The following PTPN12 variants were observed in gnomAD, a reference collection of about 807,000 sequenced individuals.
The protein encoded by PTPN12 is protein tyrosine phosphatase non-receptor type 12.
A neutral mutation model predicts 97.6 loss-of-function variants in PTPN12; 29 were observed. That is an observed-to-expected ratio of 0.30 (90% confidence interval 0.22 to 0.41). The LOEUF (loss-of-function observed/expected upper bound fraction) is 0.41. Among genes scored for constraint, PTPN12 ranks in the 10% least tolerant of loss-of-function variants. The probability of loss-of-function intolerance (pLI) is 1.00; values close to 1 mark genes in which losing one functional copy is unlikely to be tolerated. For synonymous variants in PTPN12, 327 were observed against 300.4 expected (o/e 1.09, Z -0.91); for missense variants, 819 against 926.0 (o/e 0.88, Z 1.50).
intron 1 of PTPN12, among the ~76,000 whole-genome samples, chr7:77,561,470 T>C (rs1010090078): frequency 1.3e-5 from 2 of 152,154 alleles, no homozygotes; most frequent in Non-Finnish European, 2.9e-5. Context: ...AAGTGTAGTT[T>C]CTCTTTAGAA....
chr7:77,551,094 T>C (rs1188851336), intron 1 of PTPN12, among the ~76,000 whole-genome samples: 1 of 152,204 alleles, frequency 6.6e-6, no homozygotes, highest in East Asian at 1.9e-4. Flanking sequence ...GGAGTCTCGC[T>C]CTGTCACCCA....
chr7:77,603,093 C>A (rs894896917), intron 8 of PTPN12, among the ~76,000 whole-genome samples: 2 of 152,152 alleles, frequency 1.3e-5, no homozygotes, highest in Non-Finnish European at 2.9e-5. Flanking sequence ...CAGTTAACAA[C>A]TTGGTTCATT....
chr7:77,562,306 C>T (rs1041216855), intron 1 of PTPN12, among the ~76,000 whole-genome samples: 51 of 152,150 alleles, frequency 3.4e-4, no homozygotes, highest in African/African-American at 1.2e-3. Context: ...CCACCCACCT[C>T]GGCCCCAAAG....
chr7:77,634,304 A>G (rs985670662), intron 14 of PTPN12, among the ~76,000 whole-genome samples: 19 of 152,230 alleles, frequency 1.2e-4, no homozygotes, highest in South Asian at 2.1e-4. Flanking sequence ...AAAAGAGTGC[A>G]GAAACAGCTT....
At chr7:77,620,934 C>T (rs887776825) in intron 12 of PTPN12, among the ~76,000 whole-genome samples, 2 of 151,072 alleles carry the variant, frequency 1.3e-5, no homozygotes, top group Non-Finnish European at 2.9e-5. Flanking sequence ...GGTGAAAAAG[C>T]GAGACTTTGT....
At chr7:77,631,902 A>T (rs999691854) in intron 13 of PTPN12, among the ~76,000 whole-genome samples, 3 of 152,264 alleles carry the variant, frequency 2.0e-5, no homozygotes, top group African/African-American at 4.8e-5. Flanking sequence ...TTTAAAAGTG[A>T]ATAGGACACA....
chr7:77,571,761 T>C (rs1425593517), intron 2 of PTPN12, among the ~76,000 whole-genome samples: 1 of 152,108 alleles, frequency 6.6e-6, no homozygotes, highest in Non-Finnish European at 1.5e-5. Context: ...TCTCACTGTG[T>C]TCCCCAGGCT....
chr7:77,622,089 G>C (rs1317000471), intron 12 of PTPN12, among the ~76,000 whole-genome samples: 1 of 152,150 alleles, frequency 6.6e-6, no homozygotes, highest in African/African-American at 2.4e-5. Context: ...CAACTAGCTG[G>C]AACTATAGAC....
intron 12 of PTPN12, among the ~76,000 whole-genome samples, chr7:77,619,412 C>T (rs944784873): frequency 6.6e-6 from 1 of 152,148 alleles, no homozygotes; most frequent in Non-Finnish European, 1.5e-5. Flanking sequence ...GAAATCATCT[C>T]TCTGAACAAA....
intron 12 of PTPN12, among the ~76,000 whole-genome samples, chr7:77,621,689 G>T (rs1227020048): frequency 6.6e-6 from 1 of 151,904 alleles, no homozygotes; most frequent in African/African-American, 2.4e-5. Context: ...AAGTACATAA[G>T]CCAATAACTA....
At chr7:77,585,455 A>G in intron 4 of PTPN12, 88 bp from the exon 5 acceptor site, 1 of 1,203,786 alleles carries the variant, frequency 8.3e-7, no homozygotes, top group Non-Finnish European at 1.2e-6. Context: ...TTCTCGGTGC[A>G]AAATTCTTGA....
chr7:77,554,085 C>T (rs2080027), intron 1 of PTPN12, among the ~76,000 whole-genome samples: 63,028 of 152,012 alleles, frequency 0.41, 14,389 homozygotes, highest in East Asian at 0.74. Flanking sequence ...CCTGCCTCAG[C>T]CTCCTGAGTA....
chr7:77,598,489 C>T (rs542416358), intron 7 of PTPN12, among the ~76,000 whole-genome samples: 2 of 152,242 alleles, frequency 1.3e-5, no homozygotes, highest in East Asian at 3.9e-4. Context: ...CAAGACCAGC[C>T]TGGCCAACAC....
intron 11 of PTPN12, among the ~76,000 whole-genome samples, chr7:77,618,015 C>T (rs572482856): frequency 5.3e-5 from 8 of 151,940 alleles, no homozygotes; most frequent in Non-Finnish European, 1.2e-4. Flanking sequence ...AAAATGAATC[C>T]TAGGACCACC....
chr7:77,630,046 A>G (rs149483361), intron 13 of PTPN12, among the ~76,000 whole-genome samples: 28 of 151,978 alleles, frequency 1.8e-4, no homozygotes, highest in Non-Finnish European at 4.0e-4. Flanking sequence ...ATCACTATAC[A>G]TGTGATTTCT....
chr7:77,603,757 A>G (rs1157374515), intron 8 of PTPN12, among the ~76,000 whole-genome samples: 1 of 152,012 alleles, frequency 6.6e-6, no homozygotes, highest in Admixed American at 6.6e-5. Flanking sequence ...CTTTTAAAGT[A>G]TTTTAATGAG....
chr7:77,613,874 C>T (rs1005567637), intron 11 of PTPN12, among the ~76,000 whole-genome samples: 15 of 151,796 alleles, frequency 9.9e-5, no homozygotes, highest in Non-Finnish European at 1.8e-4. Context: ...TCTTTTATTG[C>T]AATATTCAGT....
chr7:77,547,210 G>T (rs1807265540), intron 1 of PTPN12, among the ~76,000 whole-genome samples: 1 of 152,138 alleles, frequency 6.6e-6, no homozygotes, highest in Middle Eastern at 3.2e-3. Context: ...TATTTATGGA[G>T]ATACCTGAGT....
chr7:77,638,039 G>T (rs556484964), intron 16 of PTPN12, among the ~76,000 whole-genome samples: 1 of 124,054 alleles, frequency 8.1e-6, no homozygotes, highest in South Asian at 2.9e-4. Context: ...CTCACTGCAA[G>T]CTCCACCTCC....
Sources: gnomAD v4.1 joint callset for allele counts (sites outside exome capture counted in the v4.1 genomes callset) on GRCh38, gnomAD v4.1.1 for gene constraint, MANE v1.5 for transcripts, NCBI Gene and HGNC (gene_info 2026-07-23, HGNC 2026-07-21) for gene names.